TENM2: variants seen among roughly 807,000 people sequenced by gnomAD.
The protein encoded by TENM2 is teneurin-2.
TENM2 carries 52 observed loss-of-function variants against 245.2 expected under a neutral mutation model. The ratio of observed to expected loss-of-function variants is 0.21; its 90% CI spans 0.17 to 0.27. The LOEUF (loss-of-function observed/expected upper bound fraction) is 0.27. TENM2 is among the 10% of genes least tolerant of loss of function. The probability of loss-of-function intolerance (pLI) is 1.00; values close to 1 mark genes in which losing one functional copy is unlikely to be tolerated. For synonymous variants in TENM2, 1,363 were observed against 1,438.9 expected (o/e 0.95, Z 1.19); for missense variants, 3,046 against 3,666.8 (o/e 0.83, Z 4.37).
At chr5:167,177,329 T>C in the TENM2 span, among the ~76,000 whole-genome samples, 206 of 152,316 alleles carry the variant, frequency 1.4e-3, no homozygotes, top group African/African-American at 4.4e-3. Context: ...TCGGTAATTA[T>C]ATCCAAAACT....
At chr5:167,679,875 T>C (rs937765440) in intron 2 of TENM2, among the ~76,000 whole-genome samples, 9 of 152,342 alleles carry the variant, frequency 5.9e-5, no homozygotes, top group Admixed American at 2.6e-4. Context: ...GAAGCATTTA[T>C]GGCTTATGGT....
intron 13 of TENM2, among the ~76,000 whole-genome samples, chr5:168,172,181 T>A (rs1192368218): frequency 6.6e-6 from 1 of 152,140 alleles, no homozygotes; most frequent in African/African-American, 2.4e-5. Context: ...CCTACACACA[T>A]AGGAAAGCCC....
intron 4 of TENM2, among the ~76,000 whole-genome samples, chr5:167,973,375 A>G (rs1330758977): frequency 6.6e-6 from 1 of 152,190 alleles, no homozygotes; most frequent in Admixed American, 6.5e-5. Context: ...CTGTGTTCAT[A>G]GGACTTCAGC....
At position 167,886,807 on chromosome 5, in the gene TENM2, G is replaced by C. The variant is rs73803259; in HGVS notation, c.712+10612G>C. 1.6e-3 allele frequency among the ~76,000 whole-genome samples: 248 copies of C among 152,300 alleles called. 1 individual carries two copies. The highest frequency in any genetic ancestry group is 5.7e-3 in the African/African-American group (235 of 41,568). On this transcript the variant is annotated intron_variant, in intron 3 of 28. Coordinates refer to ENST00000518659, the Ensembl canonical transcript of TENM2. The stretch of plus-strand genomic sequence containing the variant: ...ATGTTAAAACCCCAAAATAGTAGCT[G>C]TTTACTTCTCTCAAATATATTTTAT...
At chr5:167,368,727 A>G (rs563859929) in intron 1 of TENM2, among the ~76,000 whole-genome samples, 50 of 152,176 alleles carry the variant, frequency 3.3e-4, no homozygotes, top group African/African-American at 1.1e-3. Context: ...TGACAAGGTG[A>G]GGAAGGGGGT....
intron 3 of TENM2, among the ~76,000 whole-genome samples, chr5:167,930,647 A>G (rs1252832242): frequency 6.6e-6 from 1 of 151,668 alleles, no homozygotes. Flanking sequence ...CTATTATTTT[A>G]TTTTATTTTT....
the TENM2 span, among the ~76,000 whole-genome samples, chr5:167,178,541 C>T: frequency 5.9e-5 from 9 of 152,128 alleles, no homozygotes; most frequent in African/African-American, 2.2e-4. Flanking sequence ...GGAGCCTCAC[C>T]ATCACAAAGG....
exon 20 of TENM2, chr5:168,211,746 T>C (rs1443011624): frequency 4.5e-6 from 6 of 1,339,050 alleles, no homozygotes; most frequent in Admixed American, 2.4e-5. Flanking sequence ...ATAAAGAGTT[T>C]AAACATAGGT....
chr5:167,939,954 G>A (rs1007502874), intron 3 of TENM2, among the ~76,000 whole-genome samples: 1 of 152,178 alleles, frequency 6.6e-6, no homozygotes, highest in Non-Finnish European at 1.5e-5. Context: ...GAAGTGAAAT[G>A]TGTCTATTCC....
intron 2 of TENM2, among the ~76,000 whole-genome samples, chr5:167,476,642 A>G (rs1767400962): frequency 6.6e-6 from 1 of 152,092 alleles, no homozygotes; most frequent in Admixed American, 6.6e-5. Flanking sequence ...TTTGTTGCCC[A>G]GGCTGGGGTG....
At chr5:167,069,051 T>C in the TENM2 span, among the ~76,000 whole-genome samples, 6 of 152,208 alleles carry the variant, frequency 3.9e-5, no homozygotes, top group Non-Finnish European at 5.9e-5. Flanking sequence ...CTGTGAAATA[T>C]GTATTTTTAT....
intron 2 of TENM2, among the ~76,000 whole-genome samples, chr5:167,425,691 A>G (rs1163067754): frequency 6.6e-6 from 1 of 152,118 alleles, no homozygotes; most frequent in Non-Finnish European, 1.5e-5. Flanking sequence ...TGAACATGGG[A>G]AATTACTTAA....
chr5:167,452,296 C>T (rs576114346), intron 2 of TENM2, among the ~76,000 whole-genome samples: 15 of 152,146 alleles, frequency 9.9e-5, no homozygotes, highest in Admixed American at 5.9e-4. Flanking sequence ...TGGAAGGTTC[C>T]GTGGGAGGAG....
the TENM2 span, among the ~76,000 whole-genome samples, chr5:167,107,169 G>A: frequency 1.3e-5 from 2 of 151,982 alleles, no homozygotes; most frequent in Admixed American, 6.6e-5. Flanking sequence ...GGCTGAGGCA[G>A]GAGAATTGCT....
intron 2 of TENM2, among the ~76,000 whole-genome samples, chr5:167,556,908 C>T (rs932562778): frequency 6.6e-6 from 1 of 152,196 alleles, no homozygotes; most frequent in Non-Finnish European, 1.5e-5. Context: ...AGCAGTGGGA[C>T]AGCCCTGCAT....
intron 2 of TENM2, among the ~76,000 whole-genome samples, chr5:167,443,116 G>A (rs928603118): frequency 6.6e-6 from 1 of 152,174 alleles, no homozygotes; most frequent in South Asian, 2.1e-4. Context: ...TGATGATAAG[G>A]TTTATTATTC....
At chr5:168,134,484 G>A (rs749896810) in intron 12 of TENM2, among the ~76,000 whole-genome samples, 33 of 152,078 alleles carry the variant, frequency 2.2e-4, no homozygotes, top group African/African-American at 7.0e-4. Flanking sequence ...TCAGGAGTTC[G>A]AGACCAGCCT....
the TENM2 span, among the ~76,000 whole-genome samples, chr5:167,070,626 T>C: frequency 6.6e-6 from 1 of 152,114 alleles, no homozygotes; most frequent in Non-Finnish European, 1.5e-5. Flanking sequence ...GATATTATTA[T>C]TATTGTTATT....
intron 3 of TENM2, among the ~76,000 whole-genome samples, chr5:167,946,350 C>A (rs1349399866): frequency 8.5e-6 from 1 of 117,768 alleles, no homozygotes; most frequent in South Asian, 2.6e-4. Context: ...CTGCCCCTCA[C>A]GCCGCTGGTT....
Sources: gnomAD v4.1 joint callset for allele counts (sites outside exome capture counted in the v4.1 genomes callset) on GRCh38, gnomAD v4.1.1 for gene constraint, MANE v1.5 for transcripts, NCBI Gene and HGNC (gene_info 2026-07-23, HGNC 2026-07-21) for gene names.